Variants in AGAP2 observed in about 807,000 individuals in gnomAD.
AGAP2 encodes the protein arf-GAP with GTPase, ANK repeat and PH domain-containing protein 2.
In AGAP2, 32 loss-of-function variants were observed where a neutral mutation model predicts 110.9. That is an observed-to-expected ratio of 0.29 (90% CI 0.22 to 0.39). The LOEUF is 0.39. AGAP2 is among the 10% of genes least tolerant of loss of function. AGAP2 has a pLI of 1.00. For missense variants in AGAP2, 1,285 were observed against 1,638.5 expected, an observed-to-expected ratio of 0.78 and a Z score of 3.72; for synonymous variants, 702 against 713.0, an observed-to-expected ratio of 0.98 and a Z score of 0.25.
upstream of AGAP2, among the ~76,000 whole-genome samples, chr12:57,740,543 C>T (rs942724100): frequency 6.6e-6 from 1 of 152,110 alleles, no homozygotes; most frequent in Non-Finnish European, 1.5e-5. Flanking sequence ...TTTCCACCTC[C>T]ACCCCTCCTC....
In AGAP2 at chr12:57,736,710, T is replaced by C. The variant is rs1051926554; in HGVS notation, c.1168+369A>G. ...TGAGGCTTCCTCATCCCCTTCACCT[T>C]CAACGTCGCTCTAAACACGGCAAAG... On this transcript the variant is annotated intron_variant, in intron 1 of 18. Transcript: ENST00000547588. Among the ~76,000 whole-genome samples, 3 of 152,224 alleles carry C rather than the reference T, an allele frequency of 2.0e-5. No homozygotes were observed. The South Asian group carries it at 6.2e-4, about 31-fold the overall frequency.
At chr12:57,741,405 C>A (rs1007270442), upstream of AGAP2, among the ~76,000 whole-genome samples, 1 of 152,078 alleles carries the variant, frequency 6.6e-6, no homozygotes, top group Admixed American at 6.5e-5. Context: ...AGTTAGTATG[C>A]GCTTGGGAGC....
At chr12:57,732,035 C>T (rs534322440) in intron 7 of AGAP2, 68 bp from the exon 8 acceptor site, 25 of 1,528,022 alleles carry the variant, frequency 1.6e-5, no homozygotes, top group East Asian at 2.3e-5. Context: ...ACTCATATCT[C>T]GTTATGGGGA....
rs1954880721 is a variant in AGAP2, at chr12:57,731,347, C to T, written c.2145+19G>A. On this transcript the variant is annotated intron_variant, in intron 10 of 18. Transcript: ENST00000547588. ...GGAAATCCAAAGCTGGCCAATGTGG[C>T]CCAGTCTCTGCCACTCACGTTAATA... 2.5e-6 allele frequency: 4 copies of T among 1,599,642 alleles called. No homozygotes were observed. Among genetic ancestry groups the T allele is most frequent in the Middle Eastern group, 1.7e-4 (1 of 6,034 alleles).
chr12:57,734,152 C>G lies in AGAP2; in HGVS notation c.1423G>C (p.Val475Leu). The G allele has an allele frequency of 1.2e-6, 2 of 1,612,056 alleles. No individual in the cohort carries two copies. The highest frequency in any genetic ancestry group is 1.7e-6 in the Non-Finnish European group (2 of 1,178,726). ...DAKFSGWADA[V>L]IFVFSLEDEN... ...TCCTCCAGGCTGAAGACGAAGATCA[C>G]AGCATCTGCCCAGCCTGAGAACTTG... The change falls in exon 5 of 19, where the codon GTG becomes CTG. Residue 475 changes from valine to leucine, a missense_variant. Val to Leu is a conservative substitution (Grantham distance 32, BLOSUM62 1). Transcript: ENST00000547588.
chr12:57,734,291 G>A, intron 4 of AGAP2, 28 bp downstream of exon 4: 1 of 1,613,830 alleles, frequency 6.2e-7, no homozygotes, highest in Admixed American at 1.7e-5. Context: ...ACCCCAGCCA[G>A]CCTGTCCCCC....
In AGAP2 at chr12:57,731,423, C is replaced by T. The variant is rs757051148; in HGVS notation, c.2088G>A (p.Lys696=). 5 of 1,614,168 alleles carry T rather than the reference C, an allele frequency of 3.1e-6. No homozygotes were observed. The highest frequency in any genetic ancestry group is 4.2e-6 in the Non-Finnish European group (5 of 1,180,028). ...TACTGGACAGGGTTACATATTTCTT[C>T]TTCCATTCTTTGTTCAAGGAATTGC... ...RSGNSLNKEW[K]KKYVTLSSNG... is the part of the protein sequence containing the mutation. The change falls in exon 10 of 19, where the codon AAG becomes AAA. Residue 696 remains lysine (K), a synonymous_variant. Coordinates refer to ENST00000547588, the MANE Select transcript of AGAP2 (RefSeq NM_001122772.3).
downstream of AGAP2, chr12:57,724,162 G>A (rs1460712382): frequency 6.6e-6 from 1 of 152,308 alleles, no homozygotes; most frequent in Admixed American, 6.5e-5. Context: ...GGACCCTGTA[G>A]AGCCGCAGCC....
intron 17 of AGAP2, 48 bp from the exon 18 acceptor site, chr12:57,727,277 G>C (rs759330188): frequency 6.2e-6 from 10 of 1,611,868 alleles, no homozygotes; most frequent in African/African-American, 5.3e-5. Flanking sequence ...CCCCCAGCCA[G>C]GACTTCTGCC....
chr12:57,735,845 AGAGT>A (rs1350659221), intron 1 of AGAP2, among the ~76,000 whole-genome samples: 1 of 152,160 alleles, frequency 6.6e-6, no homozygotes. Flanking sequence ...AACACAGAAG[AGAGT>A]GTGTCTTCCC....
intron 2 of AGAP2, 55 bp downstream of exon 2, chr12:57,735,314 G>A (rs1954958756): frequency 6.7e-7 from 1 of 1,482,628 alleles, no homozygotes; most frequent in Non-Finnish European, 9.4e-7. Flanking sequence ...AGAGCTGAGA[G>A]TGCAGTGGGT....
rs771614529 is a variant in AGAP2 at position 57,726,809 on chromosome 12, C to G, written c.3337-15G>C. On this transcript the variant is annotated splice_polypyrimidine_tract_variant and intron_variant, in intron 18 of 18. Transcript: ENST00000547588. The surrounding 1 kb of genome is among the most constrained non-coding windows in gnomAD (Gnocchi z 5.7). The stretch of plus-strand genomic sequence containing the variant: ...TCCGCGCCGTACTAGAGGGCGGAAA[C>G]GGCCGCGTGACCGCGCGTCCCCAGG... The G allele has an allele frequency of 4.2e-6, 6 of 1,427,468 alleles. No homozygotes were observed. Among genetic ancestry groups the G allele is most frequent in the Non-Finnish European group, 5.5e-6 (6 of 1,095,524 alleles). 88.4% of individuals were successfully genotyped at this position (1,427,468 alleles called of 1,614,324 possible). A position where few individuals can be genotyped will look rare whatever the true frequency, so the allele number is the denominator to read the frequency against.
intron 13 of AGAP2, among the ~76,000 whole-genome samples, chr12:57,728,824 A>G (rs1171760689): frequency 2.6e-5 from 4 of 152,118 alleles, no homozygotes. Flanking sequence ...AATGGGGATC[A>G]CTATGGTCAA....
At chr12:57,727,329 C>A (rs758718942) in intron 17 of AGAP2, 31 bp downstream of exon 17, 32 of 1,604,804 alleles carry the variant, frequency 2.0e-5, no homozygotes, top group Non-Finnish European at 2.7e-5. Context: ...CCCTCAGCAA[C>A]CCTCCCCCCG....
At position 57,737,944 on chromosome 12, in the gene AGAP2, G is replaced by C. The variant is rs1955021405; in HGVS notation, c.303C>G (p.Ala101=). ...GGCCGGGAGCGGGGGAGACTGGGCG[G>C]GCCGGACTGGCCGGAGCCGGGGACA... The part of the protein sequence containing the change: ...PALSPAPASP[A]RPVSPAPGRR... The change falls in exon 1 of 19, where the codon GCC becomes GCG. Residue 101 remains alanine, a synonymous_variant. Transcript: ENST00000547588. The surrounding 1 kb of genome is among the most constrained non-coding windows in gnomAD (Gnocchi z 5.9). The C allele has an allele frequency of 1.4e-6, 2 of 1,395,136 alleles. No individual in the cohort carries two copies. The highest frequency in any genetic ancestry group is 1.8e-6 in the Non-Finnish European group (2 of 1,085,374). 86.4% of individuals were successfully genotyped at this position (1,395,136 alleles called of 1,614,324 possible).
chr12:57,730,122 A>AT (rs149047492), intron 12 of AGAP2, among the ~76,000 whole-genome samples: 37,726 of 125,364 alleles, frequency 0.3, 5,782 homozygotes, highest in East Asian at 0.63. Flanking sequence ...CTATATATAT[A>AT]TATTTTTTTT....
chr12:57,728,512 A>G (rs1954819049), intron 13 of AGAP2, 135 bp from the exon 14 acceptor site: 1 of 896,646 alleles, frequency 1.1e-6, no homozygotes, highest in Non-Finnish European at 1.7e-6. Context: ...GAGACAAAGC[A>G]GGACAGACAG....
chr12:57,740,849 C>T (rs566720364), upstream of AGAP2, among the ~76,000 whole-genome samples: 1 of 152,304 alleles, frequency 6.6e-6, no homozygotes. Flanking sequence ...CCAAAGCAAG[C>T]TGTTCCTTCC....
Position 57,737,238 on chromosome 12 carries a change from C to G in AGAP2, c.1009G>C (p.Ala337Pro). 6.2e-7 allele frequency: 1 copy of G among 1,611,378 alleles called. No homozygotes were observed. Residue 337 changes from alanine to proline, a missense_variant, in exon 1 of 19, where the codon GCA becomes CCA. Ala to Pro is a conservative substitution (Grantham distance 27, BLOSUM62 -1). This residue lies in a region of AGAP2 where 844 missense variants were observed against 941.2 expected (regional missense o/e 0.90). Coordinates refer to ENST00000547588, the MANE Select transcript of AGAP2 (RefSeq NM_001122772.3). This position sits in a 1 kb window ranked among gnomAD's most constrained non-coding sequence, Gnocchi z 5.9. ...AGCATCTTGCGGTCACGAGTGGATG[C>G]TCGGCCCCCCTCCCGGCCCCGTTTC... ...GLKRGREGGR[A>P]STRDRKMLKF...
Sources: allele counts gnomAD v4.1 joint callset (sites outside exome capture counted in the v4.1 genomes callset), GRCh38; gene constraint gnomAD v4.1.1; regional missense constraint gnomAD v4.1.1; non-coding constraint Gnocchi (gnomAD v3.1); transcripts MANE v1.5; gene names NCBI Gene and HGNC (gene_info 2026-07-23, HGNC 2026-07-21).